The following SCFD2 variants were observed in gnomAD, a reference collection of about 807,000 sequenced individuals.
The protein encoded by SCFD2 is sec1 family domain containing 2, also known as sec1 family domain-containing protein 2.
SCFD2 carries 54 observed loss-of-function variants against 58.9 expected under a neutral mutation model. The observed-to-expected ratio is 0.92, with a 90% CI of 0.74 to 1.15. The LOEUF is 1.15. Among genes scored for constraint, SCFD2 ranks in the 50% most tolerant of loss-of-function variants. SCFD2 has a pLI of 0.00. For missense variants in SCFD2, 805 were observed against 836.6 expected, an observed-to-expected ratio of 0.96 and a Z score of 0.47; for synonymous variants, 321 against 335.9, an observed-to-expected ratio of 0.96 and a Z score of 0.49.
chr4:53,238,966 G>A (rs1377945094), intron 4 of SCFD2, among the ~76,000 whole-genome samples: 43 of 152,224 alleles, frequency 2.8e-4, no homozygotes, highest in African/African-American at 7.0e-4. Flanking sequence ...GGTGGCGGCC[G>A]GGCAGAGGCT....
At chr4:52,978,574 G>A (rs1462274162) in intron 5 of SCFD2, among the ~76,000 whole-genome samples, 1 of 151,938 alleles carries the variant, frequency 6.6e-6, no homozygotes, top group African/African-American at 2.4e-5. Flanking sequence ...AATACAGATG[G>A]TTTATTTCCT....
chr4:53,273,557 G>A (rs1443099440), intron 4 of SCFD2: 4 of 265,808 alleles, frequency 1.5e-5, no homozygotes, highest in African/African-American at 2.2e-5. Context: ...GCATAAAATT[G>A]AAAGAGGTGT....
At chr4:52,922,274 A>G (rs1389529412) in intron 5 of SCFD2, among the ~76,000 whole-genome samples, 1 of 152,224 alleles carries the variant, frequency 6.6e-6, no homozygotes, top group Non-Finnish European at 1.5e-5. Context: ...TTTAACAACC[A>G]TCATCACCAC....
chr4:53,160,680 CA>C (rs1726827164), intron 4 of SCFD2, among the ~76,000 whole-genome samples: 1 of 151,940 alleles, frequency 6.6e-6, no homozygotes, highest in Non-Finnish European at 1.5e-5. Flanking sequence ...GAGTGAGGAG[CA>C]AAATAATGGC....
chr4:52,938,316 C>G (rs1390169449), intron 5 of SCFD2, among the ~76,000 whole-genome samples: 2 of 152,136 alleles, frequency 1.3e-5, no homozygotes, highest in African/African-American at 4.8e-5. Context: ...AATGGCAGAA[C>G]CATTATTTGA....
At chr4:53,282,075 G>A (rs1731524968) in intron 3 of SCFD2, among the ~76,000 whole-genome samples, 1 of 152,086 alleles carries the variant, frequency 6.6e-6, no homozygotes, top group Non-Finnish European at 1.5e-5. Context: ...CCTGTACTTT[G>A]AAGATTCACA....
intron 5 of SCFD2, among the ~76,000 whole-genome samples, chr4:53,125,968 A>G (rs1725615164): frequency 1.3e-5 from 2 of 152,230 alleles, no homozygotes; most frequent in South Asian, 2.1e-4. Flanking sequence ...ACATTTGCAA[A>G]GAGGCTGCAG....
At chr4:53,321,284 G>C (rs1045710180) in intron 2 of SCFD2, among the ~76,000 whole-genome samples, 1 of 152,108 alleles carries the variant, frequency 6.6e-6, no homozygotes, top group African/African-American at 2.4e-5. Flanking sequence ...GGGTTGGCAT[G>C]TATGAAATGT....
rs572595457 is a variant in SCFD2 at position 53,358,409 on chromosome 4, G to A, written c.839-5643C>T. 3.3e-5 allele frequency among the ~76,000 whole-genome samples: 5 copies of A among 152,096 alleles called. No homozygotes were observed. The South Asian group carries it at 8.3e-4, about 25-fold the overall frequency. On this transcript the variant is annotated intron_variant, in intron 1 of 8. Transcript: ENST00000401642. Reference sequence around the variant, plus strand: ...AAAAAAATACAAAAATTAGCTGGGCGTGGTGGTGGCTTTCCTGCCTGTAAT... The same window carrying A: ...AAAAAAATACAAAAATTAGCTGGGCATGGTGGTGGCTTTCCTGCCTGTAAT...
intron 5 of SCFD2, among the ~76,000 whole-genome samples, chr4:52,974,038 C>G (rs1406746506): frequency 1.3e-5 from 2 of 152,178 alleles, no homozygotes; most frequent in Non-Finnish European, 2.9e-5. Context: ...TAAGAGCTAT[C>G]TATGACAAAC....
chr4:53,276,949 T>G (rs1407049210), intron 3 of SCFD2, among the ~76,000 whole-genome samples: 6 of 152,258 alleles, frequency 3.9e-5, no homozygotes, highest in Admixed American at 3.9e-4. Context: ...CATGTGTGTC[T>G]TTTGCCATCC....
intron 5 of SCFD2, among the ~76,000 whole-genome samples, chr4:52,946,980 ATGCAGGCTGCTCAC>A (rs1229822884): frequency 4.6e-5 from 7 of 152,164 alleles, no homozygotes; most frequent in African/African-American, 1.4e-4. Context: ...TTTCCAGCCC[ATGCAGGCTGCTCAC>A]TGTGCCCTGG....
chr4:53,101,847 A>C (rs773530236), intron 5 of SCFD2, among the ~76,000 whole-genome samples: 1 of 152,148 alleles, frequency 6.6e-6, no homozygotes, highest in Non-Finnish European at 1.5e-5. Flanking sequence ...TGACATCCCA[A>C]TTAAAAAAAA....
intron 4 of SCFD2, among the ~76,000 whole-genome samples, chr4:53,188,081 T>G (rs2148955056): frequency 6.6e-6 from 1 of 151,640 alleles, no homozygotes; most frequent in East Asian, 1.9e-4. Flanking sequence ...AAAAAACAAC[T>G]CAAGGGAACA....
chr4:53,328,306 G>A (rs1733281481), intron 2 of SCFD2, among the ~76,000 whole-genome samples: 2 of 152,228 alleles, frequency 1.3e-5, no homozygotes, highest in Non-Finnish European at 2.9e-5. Flanking sequence ...CCCAGATCTT[G>A]GTTTCTAAAT....
chr4:53,044,482 T>A (rs1333744462), intron 5 of SCFD2, among the ~76,000 whole-genome samples: 1 of 148,530 alleles, frequency 6.7e-6, no homozygotes, highest in African/African-American at 2.6e-5. Context: ...CCACATACTT[T>A]ACAGGAACTT....
chr4:52,957,392 C>G (rs998426184), intron 5 of SCFD2: 1 of 152,132 alleles, frequency 6.6e-6, no homozygotes, highest in Non-Finnish European at 1.5e-5. Flanking sequence ...AAAGAATCAG[C>G]GGGATAGGAG....
At chr4:53,354,273 G>C (rs1734334355) in intron 1 of SCFD2, among the ~76,000 whole-genome samples, 1 of 152,232 alleles carries the variant, frequency 6.6e-6, no homozygotes, top group African/African-American at 2.4e-5. Context: ...ATCGTGGTGT[G>C]GGTGGGCTGG....
intron 5 of SCFD2, among the ~76,000 whole-genome samples, chr4:52,951,558 A>G (rs186595747): frequency 8.5e-5 from 13 of 152,296 alleles, no homozygotes; most frequent in African/African-American, 2.6e-4. Flanking sequence ...GTTGTGGCAG[A>G]AGCATCATCT....
Sources: gnomAD v4.1 joint callset for allele counts (sites outside exome capture counted in the v4.1 genomes callset) on GRCh38, gnomAD v4.1.1 for gene constraint, MANE v1.5 for transcripts, NCBI Gene and HGNC (gene_info 2026-07-23, HGNC 2026-07-21) for gene names.